Variants in NUP188 observed in about 807,000 individuals in gnomAD.
NUP188 encodes nucleoporin 188, also known as nucleoporin NUP188.
In NUP188, 97 loss-of-function variants were observed where a neutral mutation model predicts 223.0. That is an observed-to-expected ratio of 0.43 (90% CI 0.37 to 0.51). The LOEUF (loss-of-function observed/expected upper bound fraction) is 0.51. Among genes scored for constraint, NUP188 ranks in the 20% least tolerant of loss-of-function variants. NUP188 has a pLI of 0.00. For synonymous variants in NUP188, 869 were observed against 828.0 expected, an observed-to-expected ratio of 1.05 and a Z score of -0.85; for missense variants, 1,947 against 2,175.6, an observed-to-expected ratio of 0.89 and a Z score of 2.09.
intron 38 of NUP188, 100 bp downstream of exon 38, chr9:129,003,554 C>T (rs1436796936): frequency 7.3e-7 from 1 of 1,379,238 alleles, no homozygotes; most frequent in East Asian, 2.3e-5. Context: ...GCAGGATGTT[C>T]CTGAACGGGG....
chr9:128,961,900 G>A (rs559015117), intron 8 of NUP188, among the ~76,000 whole-genome samples: 64 of 149,598 alleles, frequency 4.3e-4, no homozygotes, highest in South Asian at 2.3e-3. Flanking sequence ...GATTACAGGC[G>A]TGAGCCAGCC....
chr9:128,962,174 A>G (rs957153291), intron 8 of NUP188, among the ~76,000 whole-genome samples: 1 of 151,426 alleles, frequency 6.6e-6, no homozygotes, highest in Non-Finnish European at 1.5e-5. Context: ...ACCTCAGGTG[A>G]TCTGCCTACC....
chr9:128,999,608 C>T lies in NUP188; in HGVS notation c.3662-16C>T. 1 of 1,607,740 alleles carries T rather than the reference C, an allele frequency of 6.2e-7. No individual in the cohort carries two copies. The highest frequency in any genetic ancestry group is 8.5e-7 in the Non-Finnish European group (1 of 1,174,398). On this transcript the variant is annotated splice_polypyrimidine_tract_variant and intron_variant, in intron 33 of 43. Transcript: ENST00000372577. ...CCTGGTGAGCATGACAGTGTCCCTC[C>T]CTGTCTATTCTACAGTAAGTGACAT...
At chr9:128,961,574 A>G (rs977596632) in intron 8 of NUP188, among the ~76,000 whole-genome samples, 22 of 140,304 alleles carry the variant, frequency 1.6e-4, no homozygotes, top group African/African-American at 6.1e-4. Context: ...ATCTATATCT[A>G]TATCTATCTA....
In NUP188 at chr9:128,990,103, T is replaced by A. The variant is rs1842394155; in HGVS notation, c.2534-17T>A. Reference sequence around the variant, plus strand: ...TAGGCACACTTGATATCTAAACTGTTTCCTGTGCTGCTTTAGGTGCTCATG... The same window carrying A: ...TAGGCACACTTGATATCTAAACTGTATCCTGTGCTGCTTTAGGTGCTCATG... On this transcript the variant is annotated splice_polypyrimidine_tract_variant and intron_variant, in intron 24 of 43. Transcript: ENST00000372577. 6.3e-7 allele frequency: 1 copy of A among 1,582,874 alleles called. No homozygotes were observed. The highest frequency in any genetic ancestry group is 2.2e-5 in the East Asian group (1 of 44,730).
intron 30 of NUP188, 31 bp downstream of exon 30, chr9:128,995,545 TG>T: frequency 1.3e-6 from 2 of 1,530,582 alleles, no homozygotes; most frequent in Non-Finnish European, 1.8e-6. Flanking sequence ...GTTTTCACTT[TG>T]GTACCTTAGC....
chr9:128,964,363 TC>T (rs1841998124), intron 8 of NUP188: 2 of 273,822 alleles, frequency 7.3e-6, no homozygotes, highest in Admixed American at 5.5e-5. Flanking sequence ...CCACCTTAAT[TC>T]TTTTTTTTTT....
intron 24 of NUP188, 33 bp downstream of exon 24, chr9:128,988,219 T>C (rs1466747545): frequency 8.7e-6 from 14 of 1,609,842 alleles, no homozygotes; most frequent in African/African-American, 1.3e-5. Flanking sequence ...CAACATGGTA[T>C]GTATTTCTCT....
At chr9:129,005,040 CGAGT>C in intron 38 of NUP188, 103 bp from the exon 39 acceptor site, 1 of 738,044 alleles carries the variant, frequency 1.4e-6, no homozygotes, top group Non-Finnish European at 2.4e-6. Flanking sequence ...AGAGCAGCAG[CGAGT>C]GAGGAGCGCA....
Position 128,994,457 on chromosome 9 carries a change from A to G in NUP188, c.3087+15A>G. ...AAACATCAGAGGTAAGCTGTGGCAGAGGGCAGGATGGTGGCTACAAGTCCC... is the reference window on the plus strand; with the variant it reads ...AAACATCAGAGGTAAGCTGTGGCAGGGGGCAGGATGGTGGCTACAAGTCCC... On this transcript the variant is annotated intron_variant, in intron 28 of 43. Transcript: ENST00000372577. The G allele has an allele frequency of 6.3e-7, 1 of 1,596,252 alleles. No individual in the cohort carries two copies. Among genetic ancestry groups the G allele is most frequent in the Non-Finnish European group, 8.6e-7 (1 of 1,164,144 alleles).
chr9:128,998,597 G>A lies in NUP188; in HGVS notation c.3489G>A (p.Leu1163=). 3 of 1,614,144 alleles carry A rather than the reference G, an allele frequency of 1.9e-6. No homozygotes were observed. Among genetic ancestry groups the A allele is most frequent in the Non-Finnish European group, 2.5e-6 (3 of 1,180,036 alleles). Residue 1163 remains leucine, a synonymous_variant, in exon 32 of 44, where the codon CTG becomes CTA. Coordinates refer to ENST00000372577, the MANE Select transcript of NUP188 (RefSeq NM_015354.3). The stretch of plus-strand genomic sequence containing the variant: ...TTGGCTCCATGAAGTGCACTCTGCT[G>A]CTTATCCTCCTCCGGCAGTGGAAGA... ...LRLGSMKCTL[L]LILLRQWKRE...
chr9:128,988,787 C>CGCAATCTCGGCTTACTGCA (rs2131172967), intron 24 of NUP188, among the ~76,000 whole-genome samples: 1 of 130,084 alleles, frequency 7.7e-6, no homozygotes, highest in East Asian at 2.4e-4. Context: ...AGTGCAGTGG[C>CGCAATCTCGGCTTACTGCA]GCAATCTCGG....
intron 8 of NUP188, among the ~76,000 whole-genome samples, chr9:128,959,459 T>C (rs961054159): frequency 9.2e-5 from 14 of 151,944 alleles, no homozygotes; most frequent in Non-Finnish European, 1.8e-4. Flanking sequence ...CTTAGGAGAA[T>C]TGTATACCCT....
intron 24 of NUP188, among the ~76,000 whole-genome samples, chr9:128,988,880 C>G (rs1842377058): frequency 4.0e-5 from 6 of 151,706 alleles, no homozygotes. Context: ...GCATCTGTCC[C>G]ACGCCCGGCT....
chr9:129,006,460 C>G, intron 43 of NUP188, 42 bp from the exon 44 acceptor site: 11 of 1,611,752 alleles, frequency 6.8e-6, no homozygotes, highest in East Asian at 2.2e-5. Context: ...AGAACAGTAG[C>G]CAGATGTGCT....
At chr9:128,984,567 A>G (rs1842306357) in intron 19 of NUP188, among the ~76,000 whole-genome samples, 1 of 152,126 alleles carries the variant, frequency 6.6e-6, no homozygotes, top group Admixed American at 6.5e-5. Flanking sequence ...ACTTTTTCTC[A>G]TTTCATGGGT....
In NUP188 at chr9:128,994,284, T is replaced by A. The variant is rs1842480597; in HGVS notation, c.3018-89T>A. On this transcript the variant is annotated intron_variant, in intron 27 of 43. Coordinates refer to ENST00000372577, the MANE Select transcript of NUP188 (RefSeq NM_015354.3). ...TATTAGGATTGAGACTGGTAAAATATGAAGTGACCACCAAAGGGAGCTTGA... is the reference window on the plus strand; with the variant it reads ...TATTAGGATTGAGACTGGTAAAATAAGAAGTGACCACCAAAGGGAGCTTGA... The A allele has an allele frequency of 1.3e-5, 11 of 859,204 alleles. No individual in the cohort carries two copies. In the South Asian group the frequency reaches 1.4e-4, roughly 11 times the overall value. 53.2% of individuals were successfully genotyped at this position (859,204 alleles called of 1,614,324 possible).
Position 128,958,807 on chromosome 9 carries a change from A to C in NUP188, c.378A>C (p.Ala126=). 6.4e-7 allele frequency: 1 copy of C among 1,569,656 alleles called. No individual in the cohort carries two copies. Residue 126 remains alanine (A), a synonymous_variant, in exon 7 of 44, where the codon GCA becomes GCC. Coordinates refer to ENST00000372577, the MANE Select transcript of NUP188 (RefSeq NM_015354.3). ...RQSQALILKI[A]DYYYEERTCI... The stretch of plus-strand genomic sequence containing the variant: ...TTGAATTTTGGGTTCCTCAGATTGC[A>C]GATTATTATTATGAAGAAAGAACCT...
chr9:128,980,551 A>G, intron 13 of NUP188, 55 bp from the exon 14 acceptor site: 1 of 1,550,386 alleles, frequency 6.5e-7, no homozygotes, highest in Middle Eastern at 1.7e-4. Flanking sequence ...AAATTTGGAG[A>G]GATGTTAATT....
Sources: gnomAD v4.1 joint callset for allele counts (sites outside exome capture counted in the v4.1 genomes callset) on GRCh38, gnomAD v4.1.1 for gene constraint, MANE v1.5 for transcripts, NCBI Gene and HGNC (gene_info 2026-07-23, HGNC 2026-07-21) for gene names.